The following MRPS27 variants were observed in gnomAD, a reference collection of about 807,000 sequenced individuals.
The protein encoded by MRPS27 is mitochondrial ribosomal protein S27.
In MRPS27, 43 loss-of-function variants were observed where a neutral mutation model predicts 48.9. The ratio of observed to expected loss-of-function variants is 0.88; its 90% CI spans 0.69 to 1.13. The LOEUF (loss-of-function observed/expected upper bound fraction) is 1.13, where lower values mean the gene tolerates loss of function less well. Among genes scored for constraint, MRPS27 ranks in the 50% most tolerant of loss-of-function variants. The probability of loss-of-function intolerance (pLI) is 0.00; values close to 1 mark genes in which losing one functional copy is unlikely to be tolerated. For synonymous variants in MRPS27, 188 were observed against 171.9 expected (o/e 1.09, Z -0.73); for missense variants, 467 against 476.3 (o/e 0.98, Z 0.18).
intron 4 of MRPS27, among the ~76,000 whole-genome samples, chr5:72,283,506 T>G (rs758266493): frequency 7.2e-5 from 11 of 152,170 alleles, no homozygotes; most frequent in Admixed American, 1.3e-4. Context: ...GGGACTCACT[T>G]AGTCTATCCA....
At chr5:72,254,380 T>C (rs1361144373) in intron 4 of MRPS27, among the ~76,000 whole-genome samples, 3 of 152,044 alleles carry the variant, frequency 2.0e-5, no homozygotes, top group Admixed American at 1.3e-4. Flanking sequence ...CACACACATA[T>C]ATTAATATGT....
chr5:72,270,110 T>C (rs1415331656), intron 4 of MRPS27, among the ~76,000 whole-genome samples: 1 of 151,120 alleles, frequency 6.6e-6, no homozygotes, highest in East Asian at 1.9e-4. Context: ...GGAGAATCTC[T>C]TGAACCCAGG....
chr5:72,223,922 G>T, intron 9 of MRPS27, 72 bp from the exon 10 acceptor site: 1 of 1,465,000 alleles, frequency 6.8e-7, no homozygotes, highest in South Asian at 1.3e-5. Context: ...AAAGGCTAGA[G>T]AAGGCGAAAG....
intron 4 of MRPS27, among the ~76,000 whole-genome samples, chr5:72,261,121 C>T (rs1748956736): frequency 6.6e-6 from 1 of 152,172 alleles, no homozygotes; most frequent in Admixed American, 6.5e-5. Flanking sequence ...ACCTTGGCCT[C>T]CAAAGTGCTG....
chr5:72,232,423 C>T lies in MRPS27; in HGVS notation c.591+20G>A. 6.3e-7 allele frequency: 1 copy of T among 1,584,612 alleles called. No homozygotes were observed. The highest frequency in any genetic ancestry group is 8.7e-7 in the Non-Finnish European group (1 of 1,155,922). On this transcript the variant is annotated intron_variant, in intron 7 of 10. Transcript: ENST00000261413. ...GCCTTTTCTAAAGTTCTTAATACTG[C>T]TTTAGGGAAGATCACTTACACTGAA...
intron 4 of MRPS27, among the ~76,000 whole-genome samples, chr5:72,281,489 T>C (rs1749532165): frequency 6.6e-6 from 1 of 152,164 alleles, no homozygotes; most frequent in Non-Finnish European, 1.5e-5. Flanking sequence ...CACCCCTGAA[T>C]AGGTAAAACA....
At chr5:72,242,189 G>T (rs978550180) in intron 4 of MRPS27, among the ~76,000 whole-genome samples, 1 of 152,068 alleles carries the variant, frequency 6.6e-6, no homozygotes, top group African/African-American at 2.4e-5. Context: ...GCTTGCCTAG[G>T]AAGCCAAACC....
intron 4 of MRPS27, among the ~76,000 whole-genome samples, chr5:72,245,794 C>T (rs961432652): frequency 6.6e-6 from 1 of 152,026 alleles, no homozygotes; most frequent in African/African-American, 2.4e-5. Flanking sequence ...TGTGAGATTA[C>T]GGATTTCTTT....
chr5:72,274,450 T>G (rs775446084), intron 4 of MRPS27, among the ~76,000 whole-genome samples: 1 of 152,196 alleles, frequency 6.6e-6, no homozygotes, highest in Admixed American at 6.5e-5. Context: ...CCTCCACATC[T>G]TGTGTCACTG....
chr5:72,241,774 G>T, intron 4 of MRPS27: 2 of 1,322,170 alleles, frequency 1.5e-6, no homozygotes, highest in Non-Finnish European at 2.1e-6. Context: ...TTTTGTTCTC[G>T]CCTGCTCTGA....
At chr5:72,246,520 C>T (rs917973703) in intron 4 of MRPS27, among the ~76,000 whole-genome samples, 7 of 152,242 alleles carry the variant, frequency 4.6e-5, no homozygotes, top group Admixed American at 3.3e-4. Flanking sequence ...AAGAATTTCC[C>T]TAACAGGAAT....
At chr5:72,241,334 A>C (rs1013634771) in intron 4 of MRPS27, 6 of 359,360 alleles carry the variant, frequency 1.7e-5, no homozygotes, top group Non-Finnish European at 3.0e-5. Flanking sequence ...TAAACTGAGG[A>C]AAAGCAGTGA....
At chr5:72,257,632 T>G (rs186389530) in intron 4 of MRPS27, among the ~76,000 whole-genome samples, 106 of 152,312 alleles carry the variant, frequency 7.0e-4, no homozygotes, top group Non-Finnish European at 3.1e-4. Context: ...ACACTCCAAA[T>G]GTACTAGTAT....
At chr5:72,262,803 C>G (rs1201658142) in intron 4 of MRPS27, among the ~76,000 whole-genome samples, 1 of 151,878 alleles carries the variant, frequency 6.6e-6, no homozygotes, top group African/African-American at 2.4e-5. Flanking sequence ...TAGGGTCTTG[C>G]TCTGTCCCTG....
rs1315240250 is a variant in MRPS27, at chr5:72,297,691, A to G, written c.163T>C (p.Ser55Pro). The change falls in exon 3 of 11, where the codon TCT becomes CCT. Residue 55 changes from serine (S) to proline (P), a missense_variant. By Grantham distance (74) the Ser-to-Pro change is moderately conservative. Coordinates refer to ENST00000261413, the MANE Select transcript of MRPS27 (RefSeq NM_015084.3). ...KEHYCLADLA[S>P]LMDKTFERKL... ...CTCTCAAATGTTTTATCCATTAAAG[A>G]TGCAAGATCAGCTGTGAAGACAAAA... 6.3e-7 allele frequency: 1 copy of G among 1,599,564 alleles called. No homozygotes were observed. Among genetic ancestry groups the G allele is most frequent in the Admixed American group, 1.7e-5 (1 of 58,584 alleles).
intron 4 of MRPS27, among the ~76,000 whole-genome samples, chr5:72,264,515 A>C (rs942277716): frequency 6.6e-6 from 1 of 152,208 alleles, no homozygotes; most frequent in African/African-American, 2.4e-5. Flanking sequence ...CTTATTTGGA[A>C]ATACGGTCTT....
chr5:72,296,342 T>C (rs1749979104), intron 3 of MRPS27, among the ~76,000 whole-genome samples: 1 of 152,216 alleles, frequency 6.6e-6, no homozygotes, highest in Admixed American at 6.5e-5. Flanking sequence ...TGCCTAGCAC[T>C]TCTGGACTTG....
chr5:72,275,663 C>T (rs976337678), intron 4 of MRPS27, among the ~76,000 whole-genome samples: 9 of 152,204 alleles, frequency 5.9e-5, no homozygotes, highest in African/African-American at 1.4e-4. Context: ...TTTACTTCTG[C>T]GCAGAGGGGT....
At chr5:72,232,000 C>G (rs1035005257) in intron 7 of MRPS27, among the ~76,000 whole-genome samples, 1 of 152,128 alleles carries the variant, frequency 6.6e-6, no homozygotes, top group Non-Finnish European at 1.5e-5. Flanking sequence ...ACATGCGAAC[C>G]TAAGATCTGA....
Sources: gnomAD v4.1 joint callset for allele counts (sites outside exome capture counted in the v4.1 genomes callset) on GRCh38, gnomAD v4.1.1 for gene constraint, MANE v1.5 for transcripts, NCBI Gene and HGNC (gene_info 2026-07-23, HGNC 2026-07-21) for gene names.